RAB7A: variants seen among roughly 807,000 people sequenced by gnomAD.
RAB7A encodes RAB7A, member RAS oncogene family, also known as ras-related protein Rab-7a.
In RAB7A, 2 loss-of-function variants were observed where a neutral mutation model predicts 24.5. That is an observed-to-expected ratio of 0.08 (90% CI 0.03 to 0.26). RAB7A has a LOEUF of 0.26. Ranked by LOEUF, RAB7A falls within the 10% of genes least tolerant of loss-of-function variation. The pLI, the probability that RAB7A is intolerant of heterozygous loss-of-function variation, is 1.00. For missense variants in RAB7A, 118 were observed against 255.7 expected (o/e 0.46, Z 3.67); for synonymous variants, 100 against 95.9 (o/e 1.04, Z -0.25).
chr3:128,738,128 G>C lies in RAB7A; in HGVS notation c.-9+11769G>C, dbSNP rs139706739. Among the ~76,000 whole-genome samples the C allele has an allele frequency of 6.9e-3, 1,047 of 152,166 alleles. 5 individuals are homozygous for C. Among genetic ancestry groups the C allele is most frequent in the South Asian group, 0.012 (58 of 4,818 alleles). ...GCTCACTGCAGCCTTGACCTCTTGA[G>C]CTCAAGTCATCCTCCTACCTCAGCC... On this transcript the variant is annotated intron_variant, in intron 1 of 5. Coordinates refer to ENST00000265062, the MANE Select transcript of RAB7A (RefSeq NM_004637.6).
At chr3:128,727,580 A>G (rs142795159) in intron 1 of RAB7A, among the ~76,000 whole-genome samples, 1,812 of 152,340 alleles carry the variant, frequency 0.012, 32 homozygotes, top group African/African-American at 0.039. Context: ...GCTCTTGAAT[A>G]CCGGCAGGGT....
intron 1 of RAB7A, among the ~76,000 whole-genome samples, chr3:128,791,641 A>T (rs749598615): frequency 1.3e-5 from 2 of 152,122 alleles, no homozygotes; most frequent in Non-Finnish European, 2.9e-5. Flanking sequence ...GGTAAATTAC[A>T]TTTGGATGGG....
At chr3:128,756,814 G>A (rs867052354) in intron 1 of RAB7A, among the ~76,000 whole-genome samples, 1 of 151,088 alleles carries the variant, frequency 6.6e-6, no homozygotes, top group Non-Finnish European at 1.5e-5. Flanking sequence ...TATTTGGACT[G>A]TTGGGGTTTT....
At chr3:128,774,387 G>T (rs553482060) in intron 1 of RAB7A, among the ~76,000 whole-genome samples, 391 of 151,692 alleles carry the variant, frequency 2.6e-3, no homozygotes, top group African/African-American at 9.1e-3. Flanking sequence ...TTGGGAGAGG[G>T]TGGCAAAAAA....
chr3:128,804,115 C>T (rs1039048489), intron 3 of RAB7A, among the ~76,000 whole-genome samples: 2 of 128,188 alleles, frequency 1.6e-5, no homozygotes, highest in African/African-American at 6.5e-5. Flanking sequence ...CCTCCCTGGG[C>T]CCCCCCCCGC....
intron 1 of RAB7A, among the ~76,000 whole-genome samples, chr3:128,740,895 C>A (rs2107585995): frequency 4.1e-5 from 2 of 48,200 alleles, no homozygotes. Flanking sequence ...AGGGAGATGT[C>A]TCAAAAAAAA....
chr3:128,758,510 C>G (rs1177518244), intron 1 of RAB7A, among the ~76,000 whole-genome samples: 2 of 151,464 alleles, frequency 1.3e-5, no homozygotes, highest in African/African-American at 4.9e-5. Context: ...CTCCTGACCT[C>G]GTGATCCGCC....
chr3:128,796,522 C>T (rs1346045208), intron 2 of RAB7A, among the ~76,000 whole-genome samples: 1 of 152,184 alleles, frequency 6.6e-6, no homozygotes, highest in Non-Finnish European at 1.5e-5. Flanking sequence ...AGCTTTGACT[C>T]ATTGGAAGCT....
In RAB7A at chr3:128,772,501, T is replaced by C. The variant is rs142146418; in HGVS notation, c.-8-22859T>C. ...GGGGTTGTGAATTAAATTCCTAACA[T>C]GTCCTAATAGTTACATGTTATGCCT... On this transcript the variant is annotated intron_variant, in intron 1 of 5. Transcript: ENST00000265062. Among the ~76,000 whole-genome samples, 184 of 152,304 alleles carry C rather than the reference T, an allele frequency of 1.2e-3. 1 individual carries two copies. Among genetic ancestry groups the C allele is most frequent in the African/African-American group, 4.0e-3 (167 of 41,572 alleles).
intron 1 of RAB7A, among the ~76,000 whole-genome samples, chr3:128,756,203 G>T (rs2070727945): frequency 6.6e-6 from 1 of 152,136 alleles, no homozygotes; most frequent in South Asian, 2.1e-4. Flanking sequence ...GGGTGTGGTG[G>T]CACATGCCTG....
chr3:128,773,613 A>G (rs75529075), intron 1 of RAB7A, among the ~76,000 whole-genome samples: 42,061 of 152,114 alleles, frequency 0.28, 7,473 homozygotes, highest in African/African-American at 0.5. Context: ...CATTGAGAAC[A>G]GGCCATGATG....
chr3:128,745,210 C>G (rs1193072969), intron 1 of RAB7A, among the ~76,000 whole-genome samples: 1 of 152,030 alleles, frequency 6.6e-6, no homozygotes, highest in Admixed American at 6.6e-5. Context: ...TGGTTAACTT[C>G]AAGTACTGCG....
chr3:128,787,014 A>G (rs1426970489), intron 1 of RAB7A, among the ~76,000 whole-genome samples: 7 of 152,268 alleles, frequency 4.6e-5, no homozygotes, highest in Non-Finnish European at 7.3e-5. Flanking sequence ...CATTTGAAGG[A>G]AAACTAGAAA....
chr3:128,746,150 C>G (rs568772013), intron 1 of RAB7A, among the ~76,000 whole-genome samples: 2 of 152,204 alleles, frequency 1.3e-5, no homozygotes, highest in Non-Finnish European at 2.9e-5. Context: ...TCCTCCTGTC[C>G]GAAACATTGT....
intron 1 of RAB7A, among the ~76,000 whole-genome samples, chr3:128,753,999 A>C (rs2070709180): frequency 6.6e-6 from 1 of 152,116 alleles, no homozygotes; most frequent in South Asian, 2.1e-4. Flanking sequence ...CTAAAACTAC[A>C]GCACCAGATG....
chr3:128,794,788 C>T (rs147622405), intron 1 of RAB7A, among the ~76,000 whole-genome samples: 4 of 151,970 alleles, frequency 2.6e-5, no homozygotes, highest in African/African-American at 4.8e-5. Context: ...CAGACGGTAC[C>T]CAACATTTAA....
intron 1 of RAB7A, chr3:128,764,904 C>CA: frequency 6.5e-7 from 1 of 1,538,498 alleles, no homozygotes; most frequent in East Asian, 2.2e-5. Context: ...AGTTGTAAGA[C>CA]ACGGACAGGT....
intron 1 of RAB7A, among the ~76,000 whole-genome samples, chr3:128,775,081 C>T (rs931864531): frequency 1.3e-5 from 2 of 152,214 alleles, no homozygotes; most frequent in African/African-American, 2.4e-5. Flanking sequence ...TGCGCCCGGC[C>T]GACATCCCTT....
chr3:128,802,243 T>G, intron 3 of RAB7A, among the ~76,000 whole-genome samples: 1 of 150,164 alleles, frequency 6.7e-6, no homozygotes, highest in East Asian at 2.0e-4. Context: ...GAAAGATTAG[T>G]GACTGCTGTG....
Sources: gnomAD v4.1 joint callset for allele counts (sites outside exome capture counted in the v4.1 genomes callset) on GRCh38, gnomAD v4.1.1 for gene constraint, MANE v1.5 for transcripts, NCBI Gene and HGNC (gene_info 2026-07-23, HGNC 2026-07-21) for gene names.